The following ADAMTS20 variants were observed in gnomAD, a reference collection of about 807,000 sequenced individuals.
The protein encoded by ADAMTS20 is A disintegrin and metalloproteinase with thrombospondin motifs 20.
Under a neutral mutation model 260.1 loss-of-function variants are expected in ADAMTS20, and 225 were observed. The ratio of observed to expected loss-of-function variants is 0.87; its 90% CI spans 0.78 to 0.97. ADAMTS20 has a LOEUF of 0.97. Among genes scored for constraint, ADAMTS20 ranks in the 50% least tolerant of loss-of-function variants. The pLI, the probability that ADAMTS20 is intolerant of heterozygous loss-of-function variation, is 0.00. For synonymous variants in ADAMTS20, 802 were observed against 769.5 expected (o/e 1.04, Z -0.70); for missense variants, 2,400 against 2,337.7 (o/e 1.03, Z -0.55).
intron 4 of ADAMTS20, among the ~76,000 whole-genome samples, chr12:43,500,096 G>A (rs536638147): frequency 1.7e-3 from 253 of 150,402 alleles, no homozygotes; most frequent in Non-Finnish European, 2.7e-3. Flanking sequence ...TGGCATGATC[G>A]CGGCTCACTG....
At chr12:43,466,049 A>C (rs1264474468) in intron 9 of ADAMTS20, among the ~76,000 whole-genome samples, 1 of 152,050 alleles carries the variant, frequency 6.6e-6, no homozygotes, top group Non-Finnish European at 1.5e-5. Flanking sequence ...AGAAAGAAAC[A>C]CCATTTGGAT....
intron 37 of ADAMTS20, among the ~76,000 whole-genome samples, chr12:43,366,728 G>A (rs1161736252): frequency 6.6e-6 from 1 of 151,500 alleles, no homozygotes; most frequent in Admixed American, 6.6e-5. Context: ...CCTAACTATA[G>A]ATAATAGAAA....
chr12:43,408,797 T>C (rs1389888383), intron 28 of ADAMTS20, among the ~76,000 whole-genome samples: 1 of 152,208 alleles, frequency 6.6e-6, no homozygotes, highest in African/African-American at 2.4e-5. Flanking sequence ...AATATTTAAG[T>C]TGGGGTTTCA....
intron 28 of ADAMTS20, among the ~76,000 whole-genome samples, chr12:43,400,475 T>C (rs1330176404): frequency 1.3e-5 from 2 of 152,052 alleles, no homozygotes; most frequent in African/African-American, 2.4e-5. Context: ...ATATCTTAGA[T>C]GTTCTCGACC....
At chr12:43,490,520 G>C in intron 6 of ADAMTS20, 85 bp from the exon 7 acceptor site, 1 of 650,968 alleles carries the variant, frequency 1.5e-6, no homozygotes, top group Non-Finnish European at 2.5e-6. Context: ...CTTTAACTAT[G>C]ACATGACTAC....
intron 8 of ADAMTS20, among the ~76,000 whole-genome samples, chr12:43,467,893 G>A (rs1395358290): frequency 2.0e-5 from 3 of 152,146 alleles, no homozygotes; most frequent in African/African-American, 7.2e-5. Context: ...GGCAACTCTA[G>A]ACTCAGGTCC....
At chr12:43,388,319 ATCCCGTCCTGCCTGCTTCTG>A (rs1233740001) in intron 29 of ADAMTS20, among the ~76,000 whole-genome samples, 1 of 152,114 alleles carries the variant, frequency 6.6e-6, no homozygotes, top group African/African-American at 2.4e-5. Context: ...GTGAGGCAAC[ATCCCGTCCTGCCTGCTTCTG>A]TTCACCCTCC....
intron 15 of ADAMTS20, among the ~76,000 whole-genome samples, chr12:43,444,850 C>A (rs1941731610): frequency 6.6e-6 from 1 of 152,056 alleles, no homozygotes. Context: ...AAATTTACAA[C>A]CCTAATGTCA....
intron 14 of ADAMTS20, among the ~76,000 whole-genome samples, chr12:43,447,656 G>T (rs1051734094): frequency 1.3e-4 from 19 of 151,700 alleles, no homozygotes; most frequent in Admixed American, 3.3e-4. Context: ...TCAGGAAAAA[G>T]AAAAAAAGAA....
chr12:43,425,677 CAT>C lies in ADAMTS20; in HGVS notation c.4119_4120del (p.Cys1374TrpfsTer25), dbSNP rs868594973. The C allele has an allele frequency of 8.8e-6, 14 of 1,595,996 alleles. No homozygotes were observed. The highest frequency in any genetic ancestry group is 1.3e-5 in the African/African-American group (1 of 74,708). The stretch of plus-strand genomic sequence containing the variant: ...AAGTCTTGATTTTATTCCTCCTCCA[CAT>C]GTTTGTGAACACTAAAAACAAGAAT... On this transcript the variant is annotated frameshift_variant, in exon 28 of 39. Coordinates refer to ENST00000389420, the MANE Select transcript of ADAMTS20 (RefSeq NM_025003.5). LOFTEE classifies it high-confidence loss of function.
intron 3 of ADAMTS20, among the ~76,000 whole-genome samples, chr12:43,527,379 G>T (rs528177119): frequency 6.6e-6 from 1 of 151,906 alleles, no homozygotes; most frequent in East Asian, 1.9e-4. Context: ...ACCAGGAAAT[G>T]ACATAACAAA....
intron 3 of ADAMTS20, among the ~76,000 whole-genome samples, chr12:43,514,303 G>C (rs929270316): frequency 6.6e-6 from 1 of 151,464 alleles, no homozygotes; most frequent in Non-Finnish European, 1.5e-5. Context: ...GATGGCTCAC[G>C]CCTGTAATCC....
Position 43,414,858 on chromosome 12 carries a change from C to A in ADAMTS20, c.4284+10656G>T, listed in dbSNP as rs1001050995. ...AACAGATATGGATATACATGTTCAC[C>A]GAAAGACATGTCTGAGAAATGCTCA... On this transcript the variant is annotated intron_variant, in intron 28 of 38. Transcript: ENST00000389420. Among the ~76,000 whole-genome samples, 5 of 151,706 alleles carry A rather than the reference C, an allele frequency of 3.3e-5. No homozygotes were observed. In the East Asian group the frequency reaches 9.7e-4, roughly 29 times the overall value.
At chr12:43,405,059 C>T (rs1417969999) in intron 28 of ADAMTS20, among the ~76,000 whole-genome samples, 1 of 151,368 alleles carries the variant, frequency 6.6e-6, no homozygotes, top group Non-Finnish European at 1.5e-5. Flanking sequence ...ACTACTACTC[C>T]TTAAACATGC....
Position 43,551,580 on chromosome 12 carries a change from G to A in ADAMTS20, c.91+251C>T, listed in dbSNP as rs1943517775. On this transcript the variant is annotated intron_variant, in intron 1 of 38. Coordinates refer to ENST00000389420, the MANE Select transcript of ADAMTS20 (RefSeq NM_025003.5). This position sits in a 1 kb window ranked among gnomAD's most constrained non-coding sequence, Gnocchi z 4.6. ...CGCAGCCCCCAACTCGTTCCCTCCG[G>A]GTGCAAGCGACCCCCTGCCCCTTGC... Among the ~76,000 whole-genome samples, 1 of 152,126 alleles carries A rather than the reference G, an allele frequency of 6.6e-6. No homozygotes were observed. The highest frequency in any genetic ancestry group is 2.4e-5 in the African/African-American group (1 of 41,438).
chr12:43,387,962 G>A (rs777348035), intron 29 of ADAMTS20, among the ~76,000 whole-genome samples: 3 of 152,122 alleles, frequency 2.0e-5, no homozygotes, highest in East Asian at 1.9e-4. Context: ...TTAGCTTGCC[G>A]GACTCCATGG....
intron 3 of ADAMTS20, among the ~76,000 whole-genome samples, chr12:43,514,759 T>C (rs926765084): frequency 6.6e-6 from 1 of 152,126 alleles, no homozygotes; most frequent in Non-Finnish European, 1.5e-5. Context: ...AAAGATGTGC[T>C]TTTGAAAATC....
intron 28 of ADAMTS20, among the ~76,000 whole-genome samples, chr12:43,407,751 C>T (rs556195596): frequency 9.9e-4 from 151 of 152,152 alleles, no homozygotes; most frequent in African/African-American, 3.2e-3. Context: ...TCATTTCAAA[C>T]CTGCAAACAT....
intron 11 of ADAMTS20, among the ~76,000 whole-genome samples, chr12:43,460,441 C>T (rs983523201): frequency 6.6e-6 from 1 of 151,910 alleles, no homozygotes; most frequent in Non-Finnish European, 1.5e-5. Context: ...CTAACAGTAT[C>T]AAAAGTCGGC....
Sources: allele counts gnomAD v4.1 joint callset (sites outside exome capture counted in the v4.1 genomes callset), GRCh38; gene constraint gnomAD v4.1.1; non-coding constraint Gnocchi (gnomAD v3.1); transcripts MANE v1.5; gene names NCBI Gene and HGNC (gene_info 2026-07-23, HGNC 2026-07-21).